ALKBH8: variants seen among roughly 807,000 people sequenced by gnomAD.
ALKBH8 encodes alkB homolog 8, tRNA methyltransferase.
Under a neutral mutation model 59.8 loss-of-function variants are expected in ALKBH8, and 36 were observed. The observed-to-expected ratio is 0.60, with a 90% CI of 0.46 to 0.79. The LOEUF (loss-of-function observed/expected upper bound fraction) is 0.79, where lower values mean the gene tolerates loss of function less well. Ranked by LOEUF, ALKBH8 falls within the 30% of genes least tolerant of loss-of-function variation. The pLI, the probability that ALKBH8 is intolerant of heterozygous loss-of-function variation, is 0.00. For missense variants in ALKBH8, 768 were observed against 801.0 expected (o/e 0.96, Z 0.50); for synonymous variants, 276 against 273.6 (o/e 1.01, Z -0.09).
Position 107,525,419 on chromosome 11 carries a change from C to A in ALKBH8, c.1030+22G>T, listed in dbSNP as rs767144518. 5.3e-6 allele frequency: 8 copies of A among 1,519,732 alleles called. No homozygotes were observed. In the East Asian group the frequency reaches 2.1e-4, roughly 40 times the overall value. 94.1% of individuals were successfully genotyped at this position (1,519,732 alleles called of 1,614,324 possible). ...TATTAAACTGACTCCATTTTACAGA[C>A]GAGATAAGAGTATATACTTACTACA... On this transcript the variant is annotated intron_variant, in intron 9 of 11. Transcript: ENST00000428149.
chr11:107,552,765 C>A (rs1387692700), intron 5 of ALKBH8, among the ~76,000 whole-genome samples: 1 of 152,094 alleles, frequency 6.6e-6, no homozygotes, highest in African/African-American at 2.4e-5. Flanking sequence ...GGCACAGAGG[C>A]ATGTTCAAAG....
intron 2 of ALKBH8, among the ~76,000 whole-genome samples, chr11:107,558,302 T>C (rs1190102301): frequency 6.6e-6 from 1 of 152,230 alleles, no homozygotes; most frequent in African/African-American, 2.4e-5. Context: ...CAGTACTTTG[T>C]ATGCATGCAA....
At chr11:107,537,257 A>G (rs926864966) in intron 7 of ALKBH8, among the ~76,000 whole-genome samples, 1 of 152,224 alleles carries the variant, frequency 6.6e-6, no homozygotes, top group Non-Finnish European at 1.5e-5. Context: ...CAAAATACAA[A>G]TTGTTTAAGT....
At chr11:107,550,304 G>A (rs1248131153) in intron 6 of ALKBH8, among the ~76,000 whole-genome samples, 2 of 152,204 alleles carry the variant, frequency 1.3e-5, no homozygotes. Context: ...TACACGGTGA[G>A]GGTATACAAA....
intron 8 of ALKBH8, among the ~76,000 whole-genome samples, chr11:107,531,360 T>A (rs1397684512): frequency 6.6e-6 from 1 of 152,138 alleles, no homozygotes; most frequent in Admixed American, 6.5e-5. Flanking sequence ...TAGAGATGTA[T>A]CCCTAGCAGA....
intron 10 of ALKBH8, among the ~76,000 whole-genome samples, chr11:107,516,012 C>A (rs1057000308): frequency 4.6e-5 from 7 of 152,130 alleles, no homozygotes; most frequent in African/African-American, 1.7e-4. Context: ...ACTAACCAGG[C>A]TAATAATAAC....
In ALKBH8 at chr11:107,553,852, T is replaced by C. The variant is rs756486588; in HGVS notation, c.494A>G (p.Gln165Arg). The change falls in exon 4 of 12, where the codon CAA (glutamine) becomes CGA (arginine). Residue 165 changes from glutamine (Q) to arginine (R), a missense_variant. By Grantham distance (43) the Gln-to-Arg change is conservative. Transcript: ENST00000428149. ...ATTTTGAAAGTTTTACTTACAGTTT[T>C]GATTGTCTGTATCTTCTGTCCAATC... ...SVDWTEDTDNQNSQKSLKHRR... is the reference protein window; with the variant it reads ...SVDWTEDTDNRNSQKSLKHRR... 1.9e-6 allele frequency: 3 copies of C among 1,608,882 alleles called. No individual in the cohort carries two copies. Among genetic ancestry groups the C allele is most frequent in the Non-Finnish European group, 2.5e-6 (3 of 1,178,574 alleles).
At chr11:107,532,234 G>T in intron 8 of ALKBH8, 66 bp downstream of exon 8, 2 of 1,351,568 alleles carry the variant, frequency 1.5e-6, no homozygotes, top group Non-Finnish European at 2.1e-6. Flanking sequence ...TGGTCCCCGT[G>T]GCTCAAACAC....
chr11:107,545,742 G>A (rs994381876), intron 7 of ALKBH8, among the ~76,000 whole-genome samples: 1 of 152,134 alleles, frequency 6.6e-6, no homozygotes, highest in African/African-American at 2.4e-5. Flanking sequence ...GTCTTTCAGT[G>A]AATGTTGATT....
Position 107,504,525 on chromosome 11 carries a change from TC to T in ALKBH8, c.*132del. 8.7e-7 allele frequency: 1 copy of T among 1,146,238 alleles called. No homozygotes were observed. The highest frequency in any genetic ancestry group is 1.3e-5 in the South Asian group (1 of 76,006). 71.0% of individuals were successfully genotyped at this position (1,146,238 alleles called of 1,614,324 possible). On this transcript the variant is annotated 3_prime_UTR_variant, in exon 12 of 12. Transcript: ENST00000428149. ...GAATGTCTCCTAATGAATCCCTACT[TC>T]CAAATTTTTCTCAGCTTTCCTTTGG... is the stretch of plus-strand genomic sequence containing the variant.
chr11:107,508,642 T>C (rs1424136810), intron 11 of ALKBH8, among the ~76,000 whole-genome samples: 3 of 152,206 alleles, frequency 2.0e-5, no homozygotes, highest in Non-Finnish European at 4.4e-5. Flanking sequence ...TGAAACTCTG[T>C]ATCAATTAAA....
intron 11 of ALKBH8, among the ~76,000 whole-genome samples, chr11:107,509,717 G>T (rs1245320259): frequency 6.6e-6 from 1 of 151,962 alleles, no homozygotes; most frequent in African/African-American, 2.4e-5. Flanking sequence ...TTTCCATGTG[G>T]TCAATGAATT....
chr11:107,554,009 G>A, intron 3 of ALKBH8, 31 bp from the exon 4 acceptor site: 4 of 1,610,810 alleles, frequency 2.5e-6, no homozygotes, highest in Non-Finnish European at 3.4e-6. Flanking sequence ...ATAGTCACAT[G>A]CAAAACTTAA....
rs1257105643 is a variant in ALKBH8 at position 107,565,519 on chromosome 11, G to A, written c.-7+82C>T. 9 of 1,529,350 alleles carry A rather than the reference G, an allele frequency of 5.9e-6. No individual in the cohort carries two copies. The African/African-American group carries it at 1.2e-4, about 21-fold the overall frequency. 94.7% of individuals were successfully genotyped at this position (1,529,350 alleles called of 1,614,324 possible). On this transcript the variant is annotated intron_variant, in intron 1 of 11. Coordinates refer to ENST00000428149, the MANE Select transcript of ALKBH8 (RefSeq NM_138775.3). Reference sequence around the variant, plus strand: ...GGTTCTCAGCCCTAGCTGGCAAGGCGGATAGAGAAGACCGGAAGAGGCTGA... The same window carrying A: ...GGTTCTCAGCCCTAGCTGGCAAGGCAGATAGAGAAGACCGGAAGAGGCTGA...
At chr11:107,533,357 T>G (rs910860168) in intron 7 of ALKBH8, among the ~76,000 whole-genome samples, 2 of 152,124 alleles carry the variant, frequency 1.3e-5, no homozygotes, top group African/African-American at 4.8e-5. Context: ...TAGTACCTAG[T>G]ACAAAGTAAG....
rs975085088 is a variant in ALKBH8 at position 107,503,110 on chromosome 11, T to C, written c.*1548A>G. 6.6e-6 allele frequency: 1 copy of C among 152,168 alleles called. No individual in the cohort carries two copies. The highest frequency in any genetic ancestry group is 2.4e-5 in the African/African-American group (1 of 41,470). 9.4% of individuals were successfully genotyped at this position (152,168 alleles called of 1,614,324 possible). A position where few individuals can be genotyped will look rare whatever the true frequency, so the allele number is the denominator to read the frequency against. On this transcript the variant is annotated 3_prime_UTR_variant, in exon 12 of 12. Transcript: ENST00000428149. Reference sequence around the variant, plus strand: ...TATTTTTCATCTTCATAGAAAATCATCTATTTCATTTGGATGTTAAAATTT... The same window carrying C: ...TATTTTTCATCTTCATAGAAAATCACCTATTTCATTTGGATGTTAAAATTT...
intron 7 of ALKBH8, among the ~76,000 whole-genome samples, chr11:107,537,750 T>C (rs1315510425): frequency 6.6e-6 from 1 of 152,000 alleles, no homozygotes; most frequent in Non-Finnish European, 1.5e-5. Flanking sequence ...TGATTCCATA[T>C]GAGTTACATG....
rs948542138 is a variant in ALKBH8 at position 107,527,595 on chromosome 11, AAATATTTATGAGTCTTG to A, written c.879-2020_879-2004del. Among the ~76,000 whole-genome samples, 5 of 152,090 alleles carry A rather than the reference AAATATTTATGAGTCTTG, an allele frequency of 3.3e-5. No individual in the cohort carries two copies. In the East Asian group the frequency reaches 9.6e-4, roughly 29 times the overall value. ...AAATTAATTCTGAGTACTGGAAAGG[AAATATTTATGAGTCTTG>A]ATGCTATTTTAAATAGCATTTTTAT... is the stretch of plus-strand genomic sequence containing the variant. On this transcript the variant is annotated intron_variant, in intron 8 of 11. Transcript: ENST00000428149.
rs759043596 is a variant in ALKBH8, at chr11:107,556,765, C to A, written c.367+1G>T. ...TTTAAAAGATAATTGTATGATAATA[C>A]CTTTTTCCACAAAATTCAAATACAG... is the stretch of plus-strand genomic sequence containing the variant. On this transcript the variant is annotated splice_donor_variant, in intron 3 of 11. Coordinates refer to ENST00000428149, the MANE Select transcript of ALKBH8 (RefSeq NM_138775.3). LOFTEE classifies it high-confidence loss of function. 13 of 1,343,950 alleles carry A rather than the reference C, an allele frequency of 9.7e-6. No homozygotes were observed. The Admixed American group carries it at 2.0e-4, about 21-fold the overall frequency. 83.3% of individuals were successfully genotyped at this position (1,343,950 alleles called of 1,614,324 possible). A position where few individuals can be genotyped will look rare whatever the true frequency, so the allele number is the denominator to read the frequency against.
Sources: gnomAD v4.1 joint callset for allele counts (sites outside exome capture counted in the v4.1 genomes callset) on GRCh38, gnomAD v4.1.1 for gene constraint, MANE v1.5 for transcripts, NCBI Gene and HGNC (gene_info 2026-07-23, HGNC 2026-07-21) for gene names.